The following PAOX variants were observed in gnomAD, a reference collection of about 807,000 sequenced individuals.
PAOX encodes polyamine oxidase.
PAOX carries 38 observed loss-of-function variants against 39.0 expected under a neutral mutation model. The ratio of observed to expected loss-of-function variants is 0.97; its 90% CI spans 0.75 to 1.28. The LOEUF is 1.28. Among genes scored for constraint, PAOX ranks in the 50% most tolerant of loss-of-function variants. PAOX has a pLI of 0.00. For synonymous variants in PAOX, 311 were observed against 314.4 expected (o/e 0.99, Z 0.11); for missense variants, 667 against 685.7 (o/e 0.97, Z 0.30).
At chr10:133,389,768 G>T (rs763774040) in intron 6 of PAOX, 21 bp downstream of exon 6, 2 of 1,453,328 alleles carry the variant, frequency 1.4e-6, no homozygotes, top group East Asian at 2.6e-5. Flanking sequence ...TGCCCCAGTC[G>T]GGGGGCGTGG....
Position 133,380,487 on chromosome 10 carries a change from T to C in PAOX, c.668+2T>C. On this transcript the variant is annotated splice_donor_variant, in intron 2 of 6. Transcript: ENST00000278060. LOFTEE classifies it high-confidence loss of function. ...GGGGCTGGACTGCACCTTTTCTAAG[T>C]GCGTGCCTGAGCCCCTGCCCCGCCA... 1 of 1,593,302 alleles carries C rather than the reference T, an allele frequency of 6.3e-7. No homozygotes were observed. Among genetic ancestry groups the C allele is most frequent in the Non-Finnish European group, 8.5e-7 (1 of 1,172,748 alleles).
intron 3 of PAOX, among the ~76,000 whole-genome samples, chr10:133,382,394 GTCTCC>G: frequency 6.6e-6 from 1 of 152,202 alleles, no homozygotes; most frequent in East Asian, 1.9e-4. Flanking sequence ...CCTAACTCCT[GTCTCC>G]AAGGGGTGGC....
intron 4 of PAOX, among the ~76,000 whole-genome samples, chr10:133,385,715 C>T (rs562065810): frequency 4.6e-4 from 70 of 152,270 alleles, no homozygotes; most frequent in African/African-American, 1.6e-3. Flanking sequence ...TCCTGAGTAG[C>T]TGGAACTACA....
At chr10:133,390,941 C>T in intron 6 of PAOX, 1 of 693,592 alleles carries the variant, frequency 1.4e-6, no homozygotes, top group Non-Finnish European at 2.6e-6. Context: ...GCAGTGGCTT[C>T]CTTTCCCACC....
chr10:133,379,594 G>T (rs896787590), intron 1 of PAOX, 97 bp downstream of exon 1: 10 of 977,930 alleles, frequency 1.0e-5, no homozygotes, highest in Non-Finnish European at 1.1e-5. Flanking sequence ...CTGCCCGGCC[G>T]CCTCACCGGG....
chr10:133,389,366 C>T (rs913812079), intron 5 of PAOX, among the ~76,000 whole-genome samples: 12 of 152,166 alleles, frequency 7.9e-5, no homozygotes, highest in South Asian at 4.1e-4. Flanking sequence ...TCACAGCTCC[C>T]GGGTCCCGGC....
rs985424849 is a variant in PAOX at position 133,389,784 on chromosome 10, G to A, written c.1392+37G>A. ...GCCCCAGTCGGGGGGCGTGGGTCCC[G>A]CTGCAGAGGCCCCCGCCGAGTCTGG... On this transcript the variant is annotated intron_variant, in intron 6 of 6. Coordinates refer to ENST00000278060, the MANE Select transcript of PAOX (RefSeq NM_152911.4). 18 of 1,423,000 alleles carry A rather than the reference G, an allele frequency of 1.3e-5. No homozygotes were observed. In the African/African-American group the frequency reaches 1.3e-4, roughly 11 times the overall value. The allele number at this position is 1,423,000 out of a possible 1,614,324, so 88.1% of individuals were successfully genotyped here.
chr10:133,387,543 G>T (rs535770817), intron 4 of PAOX, among the ~76,000 whole-genome samples: 1 of 152,306 alleles, frequency 6.6e-6, no homozygotes, highest in African/African-American at 2.4e-5. Context: ...TCATTTTCAA[G>T]AAAATGTCAC....
chr10:133,389,365 C>T, intron 5 of PAOX, among the ~76,000 whole-genome samples: 1 of 152,206 alleles, frequency 6.6e-6, no homozygotes, highest in East Asian at 1.9e-4. Flanking sequence ...GTCACAGCTC[C>T]CGGGTCCCGG....
intron 3 of PAOX, 112 bp downstream of exon 3, chr10:133,381,771 T>C (rs1378418854): frequency 6.6e-6 from 7 of 1,067,210 alleles, no homozygotes; most frequent in Non-Finnish European, 9.5e-6. Flanking sequence ...ACATTTTCGT[T>C]CTAGTAAGTT....
At position 133,379,985 on chromosome 10, in the gene PAOX, C is replaced by A; in HGVS notation, c.182-14C>A. The A allele has an allele frequency of 6.6e-7, 1 of 1,507,336 alleles. No homozygotes were observed. The highest frequency in any genetic ancestry group is 2.3e-5 in the East Asian group (1 of 44,030). 93.4% of individuals were successfully genotyped at this position (1,507,336 alleles called of 1,614,324 possible). A position where few individuals can be genotyped will look rare whatever the true frequency, so the allele number is the denominator to read the frequency against. ...GAAAGGGACCTCCAGGTGGCATCTG[C>A]TGTCCCCTCGCAGGTGGCGTGGTGG... On this transcript the variant is annotated splice_polypyrimidine_tract_variant and intron_variant, in intron 1 of 6. Coordinates refer to ENST00000278060, the MANE Select transcript of PAOX (RefSeq NM_152911.4).
At chr10:133,386,228 T>C (rs1202250472) in intron 4 of PAOX, among the ~76,000 whole-genome samples, 2 of 152,050 alleles carry the variant, frequency 1.3e-5, no homozygotes, top group African/African-American at 4.8e-5. Context: ...TTTTGCCATG[T>C]TGGCCAGGCT....
chr10:133,380,909 C>T (rs569888344), intron 2 of PAOX, among the ~76,000 whole-genome samples: 8 of 152,256 alleles, frequency 5.3e-5, no homozygotes, highest in African/African-American at 1.2e-4. Context: ...ACCTGGGAGG[C>T]GGAGGTTGCA....
intron 3 of PAOX, 139 bp from the exon 4 acceptor site, chr10:133,383,821 A>T (rs539167704): frequency 1.7e-6 from 2 of 1,196,578 alleles, no homozygotes; most frequent in Admixed American, 4.6e-5. Context: ...AAACAAGGAC[A>T]AAAAAGTAAA....
chr10:133,389,531 A>T, intron 5 of PAOX, 59 bp from the exon 6 acceptor site: 1 of 1,604,018 alleles, frequency 6.2e-7, no homozygotes. Context: ...AATGACAAAA[A>T]CAGTTGCAGA....
chr10:133,387,515 G>A (rs550004624), intron 4 of PAOX, among the ~76,000 whole-genome samples: 1 of 152,268 alleles, frequency 6.6e-6, no homozygotes, highest in East Asian at 1.9e-4. Context: ...TTGTTTTCCT[G>A]TGATAGAGAC....
Position 133,384,158 on chromosome 10 carries a change from T to C in PAOX, c.1067T>C (p.Leu356Pro), listed in dbSNP as rs773139354. The C allele has an allele frequency of 6.2e-7, 1 of 1,614,188 alleles. No homozygotes were observed. Among genetic ancestry groups the C allele is most frequent in the Non-Finnish European group, 8.5e-7 (1 of 1,180,032 alleles). ...CCCCTGGAGGATGCTGCCCCTGAGCTACAGGACGCCTGGTTCCGGAAGCTC... is the reference window on the plus strand; with the variant it reads ...CCCCTGGAGGATGCTGCCCCTGAGCCACAGGACGCCTGGTTCCGGAAGCTC... ...TSPLEDAAPE[L>P]QDAWFRKLIG... Residue 356 changes from leucine (L) to proline (P), a missense_variant, in exon 4 of 7, where the codon CTA (leucine) becomes CCA (proline). Physicochemically the swap from Leu to Pro is moderately conservative, Grantham distance 98 (BLOSUM62 -3). Transcript: ENST00000278060. The surrounding 1 kb of genome is among the most constrained non-coding windows in gnomAD (Gnocchi z 4.3).
At chr10:133,381,888 G>T (rs970674816) in intron 3 of PAOX, among the ~76,000 whole-genome samples, 1 of 152,168 alleles carries the variant, frequency 6.6e-6, no homozygotes, top group Non-Finnish European at 1.5e-5. Context: ...CGTCCTGCTC[G>T]CTTGGAGGTA....
In PAOX at chr10:133,379,299, G is replaced by A. The variant is rs1849281026; in HGVS notation, c.-18G>A. The A allele has an allele frequency of 8.2e-7, 1 of 1,213,546 alleles. No homozygotes were observed. Among genetic ancestry groups the A allele is most frequent in the African/African-American group, 1.6e-5 (1 of 63,018 alleles). 75.2% of individuals were successfully genotyped at this position (1,213,546 alleles called of 1,614,324 possible). The stretch of plus-strand genomic sequence containing the variant: ...CCTCCCGGCTACTCAGAAGCCCTCG[G>A]ACTGCCCGGACCGCGCGATGGAGTC... On this transcript the variant is annotated 5_prime_UTR_variant, in exon 1 of 7. Coordinates refer to ENST00000278060, the MANE Select transcript of PAOX (RefSeq NM_152911.4).
Sources: gnomAD v4.1 joint callset for allele counts (sites outside exome capture counted in the v4.1 genomes callset) on GRCh38, gnomAD v4.1.1 for gene constraint, Gnocchi (gnomAD v3.1) non-coding constraint, MANE v1.5 for transcripts, NCBI Gene and HGNC (gene_info 2026-07-23, HGNC 2026-07-21) for gene names.